DISC1: variants seen among roughly 807,000 people sequenced by gnomAD.
DISC1 encodes the protein DISC1 scaffold protein.
In DISC1, 57 loss-of-function variants were observed where a neutral mutation model predicts 84.5. That is an observed-to-expected ratio of 0.67 (90% CI 0.55 to 0.84). The LOEUF (loss-of-function observed/expected upper bound fraction) is 0.84. DISC1 is among the 40% of genes least tolerant of loss of function. The pLI, the probability that DISC1 is intolerant of heterozygous loss-of-function variation, is 0.00. For missense variants in DISC1, 1,000 were observed against 1,057.8 expected (o/e 0.95, Z 0.76); for synonymous variants, 411 against 415.2 (o/e 0.99, Z 0.12).
At chr1:231,718,151 G>C (rs1044325571) in intron 3 of DISC1, among the ~76,000 whole-genome samples, 11 of 152,028 alleles carry the variant, frequency 7.2e-5, no homozygotes, top group African/African-American at 2.4e-4. Context: ...CTGGACACAC[G>C]CACTCGCCTC....
intron 3 of DISC1, among the ~76,000 whole-genome samples, chr1:231,709,367 C>T (rs1558390988): frequency 6.6e-6 from 1 of 152,000 alleles, no homozygotes; most frequent in Non-Finnish European, 1.5e-5. Context: ...CACGGTGATG[C>T]CTTTTCTCCT....
At chr1:231,720,098 CAT>C (rs1487664491) in intron 3 of DISC1, among the ~76,000 whole-genome samples, 1 of 152,142 alleles carries the variant, frequency 6.6e-6, no homozygotes, top group Admixed American at 6.5e-5. Flanking sequence ...TGGCAACTTC[CAT>C]ATACCCAAGG....
intron 9 of DISC1, among the ~76,000 whole-genome samples, chr1:231,932,737 C>T (rs2090741929): frequency 6.6e-6 from 1 of 152,164 alleles, no homozygotes; most frequent in Non-Finnish European, 1.5e-5. Flanking sequence ...ATTTATGTCT[C>T]TTCTAAGCTC....
intron 9 of DISC1, chr1:231,855,305 C>G (rs1442638047): frequency 1.1e-6 from 1 of 932,966 alleles, no homozygotes; most frequent in Non-Finnish European, 1.3e-6. Context: ...TTCAAAATAA[C>G]ATGTTATATA....
intron 2 of DISC1, among the ~76,000 whole-genome samples, chr1:231,700,365 TATG>T (rs2066261480): frequency 6.6e-6 from 1 of 152,256 alleles, no homozygotes; most frequent in Admixed American, 6.5e-5. Flanking sequence ...TTCTGTTTTT[TATG>T]ATGTTTTTCG....
intron 12 of DISC1, among the ~76,000 whole-genome samples, chr1:232,030,470 G>T (rs1445782840): frequency 2.6e-5 from 4 of 152,200 alleles, no homozygotes; most frequent in African/African-American, 7.2e-5. Flanking sequence ...TCATAGACGA[G>T]GTAGAGACAC....
chr1:231,703,045 G>A (rs202073953), intron 3 of DISC1, among the ~76,000 whole-genome samples: 38 of 152,326 alleles, frequency 2.5e-4, no homozygotes, highest in Non-Finnish European at 4.7e-4. Context: ...CATTGTATGT[G>A]TCATAGACTG....
In DISC1 at chr1:231,912,788, T is replaced by TCTTG. The variant is rs1553394045; in HGVS notation, c.1982-46037_1982-46036insGCTT. Among the ~76,000 whole-genome samples, 196 of 145,122 alleles carry TCTTG rather than the reference T, an allele frequency of 1.4e-3. 1 individual carries two copies. The highest frequency in any genetic ancestry group is 4.5e-3 in the African/African-American group (179 of 39,380). On this transcript the variant is annotated intron_variant, in intron 9 of 12. Coordinates refer to ENST00000439617, the MANE Select transcript of DISC1 (RefSeq NM_018662.3). ...TTCTTTCTTTCTTTCTTTCTTTCTT[T>TCTTG]CTTTCTTTCTTTCTTTCTTTTTCTT...
At chr1:231,914,768 A>T (rs199841124) in intron 9 of DISC1, among the ~76,000 whole-genome samples, 1 of 152,230 alleles carries the variant, frequency 6.6e-6, no homozygotes, top group African/African-American at 2.4e-5. Context: ...AACAGCTTGC[A>T]CTGTAAGTCC....
chr1:231,979,982 G>A (rs1023971615), intron 10 of DISC1, among the ~76,000 whole-genome samples: 1 of 152,040 alleles, frequency 6.6e-6, no homozygotes, highest in Non-Finnish European at 1.5e-5. Context: ...GTTTTATTTT[G>A]CTTTCTACTT....
chr1:231,998,352 A>C (rs1269611824), intron 10 of DISC1, among the ~76,000 whole-genome samples: 1 of 152,202 alleles, frequency 6.6e-6, no homozygotes, highest in Non-Finnish European at 1.5e-5. Context: ...TGAGAGAAAG[A>C]TTGAGAACCG....
chr1:231,637,385 A>G (rs2059289362), intron 1 of DISC1, among the ~76,000 whole-genome samples: 1 of 152,200 alleles, frequency 6.6e-6, no homozygotes, highest in Non-Finnish European at 1.5e-5. Context: ...GTACAGTGCA[A>G]TTTCATTACA....
chr1:231,765,195 CAAAAAA>C (rs71179793), intron 4 of DISC1, among the ~76,000 whole-genome samples: 11 of 93,298 alleles, frequency 1.2e-4, no homozygotes, highest in African/African-American at 2.7e-4. Context: ...GTCCACCCTA[CAAAAAA>C]AAAAAAAAAA....
Position 231,897,691 on chromosome 1 carries a change from C to T in DISC1, c.1982-61137C>T, listed in dbSNP as rs2087815056. Among the ~76,000 whole-genome samples the T allele has an allele frequency of 6.6e-6, 1 of 152,166 alleles. No homozygotes were observed. Among genetic ancestry groups the T allele is most frequent in the South Asian group, 2.1e-4 (1 of 4,826 alleles). On this transcript the variant is annotated intron_variant, in intron 9 of 12. Transcript: ENST00000439617. This position sits in a 1 kb window ranked among gnomAD's most constrained non-coding sequence, Gnocchi z 4.5. ...TGGTCACCGTGTGCTGTTGTAGTAACAGGGCCTCCTGGTGCATTGAAACAC... is the reference window on the plus strand; with the variant it reads ...TGGTCACCGTGTGCTGTTGTAGTAATAGGGCCTCCTGGTGCATTGAAACAC...
At chr1:231,787,466 G>C (rs376033688) in intron 6 of DISC1, among the ~76,000 whole-genome samples, 2 of 152,020 alleles carry the variant, frequency 1.3e-5, no homozygotes, top group East Asian at 1.9e-4. Context: ...GAGAAAGAGA[G>C]AGACAGAGAA....
rs142746381 is a variant in DISC1 at position 231,966,033 on chromosome 1, T to G, written c.2042+7145T>G. Reference sequence around the variant, plus strand: ...ACTTTCCTTGTATTCTAAGTGGTTGTCGTGCTGTTTGGCATGTAGTCAACA... The same window carrying G: ...ACTTTCCTTGTATTCTAAGTGGTTGGCGTGCTGTTTGGCATGTAGTCAACA... On this transcript the variant is annotated intron_variant, in intron 10 of 12. Coordinates refer to ENST00000439617, the MANE Select transcript of DISC1 (RefSeq NM_018662.3). 6.6e-4 allele frequency among the ~76,000 whole-genome samples: 100 copies of G among 152,372 alleles called. 2 individuals carry two copies. Among genetic ancestry groups the G allele is most frequent in the African/African-American group, 2.3e-3 (96 of 41,592 alleles).
intron 10 of DISC1, among the ~76,000 whole-genome samples, chr1:231,996,380 C>T (rs2102942230): frequency 6.6e-6 from 1 of 152,178 alleles, no homozygotes; most frequent in Non-Finnish European, 1.5e-5. Context: ...CTTTTGTTGC[C>T]ATTGCTTTTG....
intron 9 of DISC1, among the ~76,000 whole-genome samples, chr1:231,870,887 T>C (rs2085408529): frequency 6.6e-6 from 1 of 152,232 alleles, no homozygotes; most frequent in Admixed American, 6.5e-5. Flanking sequence ...ATAAATATTT[T>C]CTTCAAACTT....
intron 6 of DISC1, among the ~76,000 whole-genome samples, chr1:231,790,879 T>C (rs1348999917): frequency 1.6e-4 from 25 of 152,350 alleles, no homozygotes; most frequent in Admixed American, 1.6e-3. Context: ...CTAATGACTT[T>C]ATTTTAAATT....
Sources: allele counts gnomAD v4.1 joint callset (sites outside exome capture counted in the v4.1 genomes callset), GRCh38; gene constraint gnomAD v4.1.1; non-coding constraint Gnocchi (gnomAD v3.1); transcripts MANE v1.5; gene names NCBI Gene and HGNC (gene_info 2026-07-23, HGNC 2026-07-21).